Variants in SGCZ observed in about 807,000 individuals in gnomAD.
The protein encoded by SGCZ is zeta-sarcoglycan.
SGCZ carries 40 observed loss-of-function variants against 41.3 expected under a neutral mutation model. That is an observed-to-expected ratio of 0.97 (90% CI 0.75 to 1.26). SGCZ has a LOEUF of 1.26. Among genes scored for constraint, SGCZ ranks in the 50% most tolerant of loss-of-function variants. The pLI is 0.00. For synonymous variants in SGCZ, 206 were observed against 137.5 expected (o/e 1.50, Z -3.49); for missense variants, 552 against 369.8 (o/e 1.49, Z -4.04).
At chr8:15,001,752 G>T (rs1162159607) in intron 1 of SGCZ, among the ~76,000 whole-genome samples, 2 of 127,906 alleles carry the variant, frequency 1.6e-5, no homozygotes, top group Non-Finnish European at 1.7e-5. Context: ...AAAAAAAAAA[G>T]AGAAAAAAGG....
intron 2 of SGCZ, among the ~76,000 whole-genome samples, chr8:14,551,116 CTTTT>C (rs75142255): frequency 7.3e-6 from 1 of 137,584 alleles, no homozygotes. Context: ...TATTGTAATT[CTTTT>C]TTTTTTTTTT....
At chr8:14,365,592 T>G (rs1803674011) in intron 2 of SGCZ, among the ~76,000 whole-genome samples, 1 of 152,288 alleles carries the variant, frequency 6.6e-6, no homozygotes, top group East Asian at 1.9e-4. Context: ...ACAATTACTA[T>G]TCTCTTGAAA....
intron 3 of SGCZ, among the ~76,000 whole-genome samples, chr8:14,301,060 AATCATCATCATCATCATC>A (rs58825148): frequency 6.8e-6 from 1 of 147,902 alleles, no homozygotes; most frequent in African/African-American, 2.5e-5. Context: ...AACACAAGAA[AATCATCATCATCATCATC>A]ATCATCATCA....
intron 5 of SGCZ, among the ~76,000 whole-genome samples, chr8:14,157,829 G>T (rs1382147): frequency 0.11 from 16,027 of 152,038 alleles, 937 homozygotes; most frequent in Middle Eastern, 0.21. Context: ...TTCTCTCACA[G>T]AACACTGAAG....
At chr8:15,234,825 A>G (rs1161345651) in intron 1 of SGCZ, among the ~76,000 whole-genome samples, 3 of 152,224 alleles carry the variant, frequency 2.0e-5, no homozygotes, top group Admixed American at 1.3e-4. Context: ...AAGATAAATT[A>G]TCAGAATCTT....
At chr8:15,106,846 CTT>C (rs983554212) in intron 1 of SGCZ, among the ~76,000 whole-genome samples, 2 of 152,004 alleles carry the variant, frequency 1.3e-5, no homozygotes, top group African/African-American at 4.8e-5. Flanking sequence ...CTAATCATGA[CTT>C]TGTTTTGGAG....
chr8:14,720,512 T>TAATGGAACC (rs1809847387), intron 1 of SGCZ, among the ~76,000 whole-genome samples: 1 of 151,982 alleles, frequency 6.6e-6, no homozygotes, highest in Admixed American at 6.6e-5. Flanking sequence ...ATCATTAACC[T>TAATGGAACC]AAGGTTCCAC....
At chr8:14,792,895 A>T (rs1801000938) in intron 1 of SGCZ, among the ~76,000 whole-genome samples, 1 of 152,104 alleles carries the variant, frequency 6.6e-6, no homozygotes, top group South Asian at 2.1e-4. Context: ...AGGTATCAAG[A>T]AGCTTCATGG....
intron 1 of SGCZ, among the ~76,000 whole-genome samples, chr8:14,790,953 C>T (rs754393100): frequency 6.6e-6 from 1 of 150,852 alleles, no homozygotes; most frequent in Admixed American, 6.6e-5. Flanking sequence ...ATCTCTTGAA[C>T]ACGGGAGGCA....
At chr8:14,997,138 T>C (rs1339388326) in intron 1 of SGCZ, among the ~76,000 whole-genome samples, 1 of 152,224 alleles carries the variant, frequency 6.6e-6, no homozygotes, top group East Asian at 1.9e-4. Flanking sequence ...CATATCTCTT[T>C]GCTTTTCTCT....
chr8:14,443,182 T>C (rs902274959), intron 2 of SGCZ, among the ~76,000 whole-genome samples: 8 of 152,210 alleles, frequency 5.3e-5, no homozygotes, highest in East Asian at 1.9e-4. Context: ...AATGGAAGAA[T>C]ATTCCATGCT....
intron 5 of SGCZ, among the ~76,000 whole-genome samples, chr8:14,144,110 G>A (rs548855376): frequency 6.6e-6 from 1 of 152,272 alleles, no homozygotes; most frequent in South Asian, 2.1e-4. Flanking sequence ...TCCAGAGACA[G>A]TGGATTGGGA....
chr8:14,367,534 A>C (rs1803757156), intron 2 of SGCZ, among the ~76,000 whole-genome samples: 2 of 152,136 alleles, frequency 1.3e-5, no homozygotes, highest in African/African-American at 4.8e-5. Context: ...TAAGGGTTTA[A>C]TGGACTCACA....
At chr8:14,775,206 A>G (rs1031623263) in intron 1 of SGCZ, among the ~76,000 whole-genome samples, 3 of 152,140 alleles carry the variant, frequency 2.0e-5, no homozygotes, top group African/African-American at 7.2e-5. Context: ...GTAATAATAC[A>G]AATTCTGATT....
At chr8:14,128,691 A>T (rs934105046) in intron 5 of SGCZ, among the ~76,000 whole-genome samples, 1 of 152,088 alleles carries the variant, frequency 6.6e-6, no homozygotes, top group African/African-American at 2.4e-5. Context: ...ATGTGATAAA[A>T]ATGTGATGTG....
At chr8:14,723,281 G>C (rs1458698811) in intron 1 of SGCZ, among the ~76,000 whole-genome samples, 1 of 152,196 alleles carries the variant, frequency 6.6e-6, no homozygotes, top group African/African-American at 2.4e-5. Context: ...AGAAAGCTGA[G>C]AACCCTGTGT....
At chr8:14,531,546 A>C (rs1383079756) in intron 2 of SGCZ, among the ~76,000 whole-genome samples, 1 of 152,094 alleles carries the variant, frequency 6.6e-6, no homozygotes, top group Non-Finnish European at 1.5e-5. Flanking sequence ...GAGATTTCCC[A>C]GTAGGTGGCA....
intron 1 of SGCZ, among the ~76,000 whole-genome samples, chr8:14,737,616 C>T (rs1158103204): frequency 1.3e-5 from 2 of 152,192 alleles, no homozygotes; most frequent in East Asian, 1.9e-4. Context: ...AAGGTATTGG[C>T]AGGATTGATT....
intron 1 of SGCZ, among the ~76,000 whole-genome samples, chr8:14,659,297 C>T (rs921050553): frequency 2.0e-5 from 3 of 152,002 alleles, no homozygotes; most frequent in South Asian, 2.1e-4. Context: ...GTGATTAACC[C>T]GATTTGATCA....
Sources: allele counts gnomAD v4.1 joint callset (sites outside exome capture counted in the v4.1 genomes callset), GRCh38; gene constraint gnomAD v4.1.1; transcripts MANE v1.5; gene names NCBI Gene and HGNC (gene_info 2026-07-23, HGNC 2026-07-21).